Variants in NACC2 observed in about 807,000 individuals in gnomAD.
The protein encoded by NACC2 is NACC family member 2.
Under a neutral mutation model 25.1 loss-of-function variants are expected in NACC2, and 8 were observed. The observed-to-expected ratio is 0.32, with a 90% confidence interval of 0.19 to 0.57. The LOEUF (loss-of-function observed/expected upper bound fraction) is 0.57. Among genes scored for constraint, NACC2 ranks in the 20% least tolerant of loss-of-function variants. The pLI is 0.89. For missense variants in NACC2, 644 were observed against 650.2 expected (o/e 0.99, Z 0.10); for synonymous variants, 435 against 294.7 (o/e 1.48, Z -4.88).
At position 136,020,637 on chromosome 9, in the gene NACC2, T is replaced by A. The variant is rs1484866505; in HGVS notation, c.887-4208A>T. ...AAAATGAGCCCCTAGTCCTTGATGA[T>A]ACAGAAATATACAACTTAAATGCAA... On this transcript the variant is annotated intron_variant, in intron 2 of 5. Coordinates refer to ENST00000277554, the MANE Select transcript of NACC2 (RefSeq NM_144653.5). This position sits in a 1 kb window ranked among gnomAD's most constrained non-coding sequence, Gnocchi z 4.7. Among the ~76,000 whole-genome samples, 1 of 152,200 alleles carries A rather than the reference T, an allele frequency of 6.6e-6. No homozygotes were observed. Among genetic ancestry groups the A allele is most frequent in the African/African-American group, 2.4e-5 (1 of 41,444 alleles).
chr9:136,072,676 AC>A (rs1830211578), intron 1 of NACC2, among the ~76,000 whole-genome samples: 1 of 152,046 alleles, frequency 6.6e-6, no homozygotes, highest in Non-Finnish European at 1.5e-5. Flanking sequence ...ACATGGAGAA[AC>A]CCTGTTTCTA....
rs980832714 is a variant in NACC2 at position 136,086,391 on chromosome 9, G to A, written c.-60+8798C>T. On this transcript the variant is annotated intron_variant, in intron 1 of 5. Coordinates refer to ENST00000277554, the MANE Select transcript of NACC2 (RefSeq NM_144653.5). The surrounding 1 kb of genome is among the most constrained non-coding windows in gnomAD (Gnocchi z 5.6). ...CTGGTGAGGCCTAGGGCTGAGCCCTGGGGCAGCTGCTGGTCTGGATGGCAC... is the reference window on the plus strand; with the variant it reads ...CTGGTGAGGCCTAGGGCTGAGCCCTAGGGCAGCTGCTGGTCTGGATGGCAC... 1.3e-5 allele frequency among the ~76,000 whole-genome samples: 2 copies of A among 152,170 alleles called. No homozygotes were observed. The highest frequency in any genetic ancestry group is 4.8e-5 in the African/African-American group (2 of 41,434).
At chr9:136,049,410 C>G (rs1840780089) in intron 2 of NACC2, among the ~76,000 whole-genome samples, 1 of 152,198 alleles carries the variant, frequency 6.6e-6, no homozygotes. Flanking sequence ...CCAGTGGAGA[C>G]AAGACCCTTC....
chr9:136,090,598 C>G (rs1490159329), intron 1 of NACC2, among the ~76,000 whole-genome samples: 2 of 152,252 alleles, frequency 1.3e-5, no homozygotes, highest in African/African-American at 2.4e-5. Flanking sequence ...CCCCAGGCAG[C>G]TCTGGCCAAC....
In NACC2 at chr9:136,020,267, T is replaced by G. The variant is rs1840270883; in HGVS notation, c.887-3838A>C. 6.6e-6 allele frequency among the ~76,000 whole-genome samples: 1 copy of G among 152,006 alleles called. No homozygotes were observed. Among genetic ancestry groups the G allele is most frequent in the Non-Finnish European group, 1.5e-5 (1 of 67,988 alleles). On this transcript the variant is annotated intron_variant, in intron 2 of 5. Coordinates refer to ENST00000277554, the MANE Select transcript of NACC2 (RefSeq NM_144653.5). The surrounding 1 kb of genome is among the most constrained non-coding windows in gnomAD (Gnocchi z 4.7). Reference sequence around the variant, plus strand: ...GGGTCTCATTGGCCTCACCCTGACTTTTCTCAACTCCCTGGGTTACTGATT... The same window carrying G: ...GGGTCTCATTGGCCTCACCCTGACTGTTCTCAACTCCCTGGGTTACTGATT...
chr9:136,059,771 G>A (rs1450685760), intron 1 of NACC2, among the ~76,000 whole-genome samples: 2 of 152,210 alleles, frequency 1.3e-5, no homozygotes, highest in African/African-American at 4.8e-5. Flanking sequence ...GGGCCTGTGT[G>A]TGTATCCGTG....
intron 2 of NACC2, among the ~76,000 whole-genome samples, chr9:136,044,763 C>T (rs1840694677): frequency 6.6e-6 from 1 of 152,210 alleles, no homozygotes; most frequent in Non-Finnish European, 1.5e-5. Context: ...GACATACAGC[C>T]CTGCTCCCCG....
chr9:136,047,088 G>A (rs1244783888), intron 2 of NACC2, among the ~76,000 whole-genome samples: 1 of 152,094 alleles, frequency 6.6e-6, no homozygotes, highest in African/African-American at 2.4e-5. Context: ...AGCCTGCAGG[G>A]ACCTTAGAAC....
At chr9:136,058,013 G>A (rs1840952640) in intron 1 of NACC2, among the ~76,000 whole-genome samples, 1 of 152,164 alleles carries the variant, frequency 6.6e-6, no homozygotes, top group South Asian at 2.1e-4. Flanking sequence ...GTGAGGCGAG[G>A]TAAGACACAA....
chr9:136,062,119 GGA>G (rs1841020336), intron 1 of NACC2, among the ~76,000 whole-genome samples: 62 of 13,508 alleles, frequency 4.6e-3, no homozygotes, highest in African/African-American at 7.3e-3. Context: ...GAGCGAGACA[GGA>G]CAGGACAGGA....
At chr9:136,048,306 C>T (rs962298874) in intron 2 of NACC2, among the ~76,000 whole-genome samples, 1 of 152,180 alleles carries the variant, frequency 6.6e-6, no homozygotes, top group African/African-American at 2.4e-5. Context: ...GGAAAGCGCA[C>T]ATGGGGCGGA....
At position 136,006,565 on chromosome 9, in the gene NACC2, T is replaced by G. The variant is rs1312513526; in HGVS notation, c.*4951A>C. The G allele has an allele frequency of 6.6e-6, 1 of 152,280 alleles. No homozygotes were observed. The highest frequency in any genetic ancestry group is 2.4e-5 in the African/African-American group (1 of 41,478). The allele number at this position is 152,280 out of a possible 1,614,324, so 9.4% of individuals were successfully genotyped here. On this transcript the variant is annotated 3_prime_UTR_variant, in exon 6 of 6. Transcript: ENST00000277554. Reference sequence around the variant, plus strand: ...GGTTTGAACTGACTTTATTATTTTGTAAATGTGAATTTTACAAAGCGCTTT... The same window carrying G: ...GGTTTGAACTGACTTTATTATTTTGGAAATGTGAATTTTACAAAGCGCTTT...
intron 1 of NACC2, among the ~76,000 whole-genome samples, chr9:136,064,793 GCAGT>G (rs1300092272): frequency 6.6e-6 from 1 of 152,176 alleles, no homozygotes; most frequent in Non-Finnish European, 1.5e-5. Flanking sequence ...CGAAGTTAGA[GCAGT>G]CATACTTCCC....
In NACC2 at chr9:136,086,875, C is replaced by G. The variant is rs1032202198; in HGVS notation, c.-60+8314G>C. On this transcript the variant is annotated intron_variant, in intron 1 of 5. Transcript: ENST00000277554. This position sits in a 1 kb window ranked among gnomAD's most constrained non-coding sequence, Gnocchi z 5.6. ...CAAGTGCAGAGCCAGCCCCCCAGTG[C>G]CCTCTACGCACTAAAGGCTTTCTGC... Among the ~76,000 whole-genome samples, 2 of 152,206 alleles carry G rather than the reference C, an allele frequency of 1.3e-5. No individual in the cohort carries two copies. The highest frequency in any genetic ancestry group is 4.8e-5 in the African/African-American group (2 of 41,456).
In NACC2 at chr9:136,022,661, G is replaced by A. The variant is rs757437292; in HGVS notation, c.887-6232C>T. Among the ~76,000 whole-genome samples the A allele has an allele frequency of 6.6e-6, 1 of 152,146 alleles. No homozygotes were observed. The highest frequency in any genetic ancestry group is 6.5e-5 in the Admixed American group (1 of 15,280). On this transcript the variant is annotated intron_variant, in intron 2 of 5. Coordinates refer to ENST00000277554, the MANE Select transcript of NACC2 (RefSeq NM_144653.5). The surrounding 1 kb of genome is among the most constrained non-coding windows in gnomAD (Gnocchi z 4.4). ...CTCACCCTGCTGGTCAGTGTCCCCA[G>A]GGCCTGGCACACAGCATGCGCCTAA... is the stretch of plus-strand genomic sequence containing the variant.
intron 1 of NACC2, among the ~76,000 whole-genome samples, chr9:136,079,143 T>C (rs1830295802): frequency 6.6e-6 from 1 of 152,038 alleles, no homozygotes; most frequent in Non-Finnish European, 1.5e-5. Flanking sequence ...GTCCCGTCCT[T>C]AACAAGAGAA....
Position 136,049,916 on chromosome 9 carries a change from C to A in NACC2, c.606G>T (p.Ala202=). The A allele has an allele frequency of 1.7e-6, 1 of 579,990 alleles. No individual in the cohort carries two copies. 35.9% of individuals were successfully genotyped at this position (579,990 alleles called of 1,614,324 possible). A position where few individuals can be genotyped will look rare whatever the true frequency, so the allele number is the denominator to read the frequency against. The change falls in exon 2 of 6, where the codon GCG becomes GCT. Residue 202 remains alanine, a synonymous_variant. Transcript: ENST00000277554. ...PLETGPRDGV[A]VAAGAAVAAG... ...CCGCCACCGCAGCCCCCGCGGCCACCGCCACGCCGTCCCGGGGCCCCGTCT... is the reference window on the plus strand; with the variant it reads ...CCGCCACCGCAGCCCCCGCGGCCACAGCCACGCCGTCCCGGGGCCCCGTCT...
rs533228863 is a variant in NACC2, at chr9:136,022,044, G to A, written c.887-5615C>T. ...CTGTCCCCACGGGGGCAGCCTGCAC[G>A]ACTCTAGGTGGCCTCTGCTCATGGA... is the stretch of plus-strand genomic sequence containing the variant. On this transcript the variant is annotated intron_variant, in intron 2 of 5. Transcript: ENST00000277554. This position sits in a 1 kb window ranked among gnomAD's most constrained non-coding sequence, Gnocchi z 4.4. Among the ~76,000 whole-genome samples the A allele has an allele frequency of 2.0e-5, 3 of 152,342 alleles. No individual in the cohort carries two copies. The highest frequency in any genetic ancestry group is 4.1e-4 in the South Asian group (2 of 4,832).
intron 2 of NACC2, among the ~76,000 whole-genome samples, chr9:136,033,988 A>T (rs1156727015): frequency 6.6e-6 from 1 of 152,016 alleles, no homozygotes; most frequent in African/African-American, 2.4e-5. Context: ...AATGCAAAAA[A>T]TAGCCAACGC....
Sources: gnomAD v4.1 joint callset for allele counts (sites outside exome capture counted in the v4.1 genomes callset) on GRCh38, gnomAD v4.1.1 for gene constraint, Gnocchi (gnomAD v3.1) non-coding constraint, MANE v1.5 for transcripts, NCBI Gene and HGNC (gene_info 2026-07-23, HGNC 2026-07-21) for gene names.